The following SLC26A6 variants were observed in gnomAD, a reference collection of about 807,000 sequenced individuals.
SLC26A6 encodes solute carrier family 26 member 6, also known as anion exchange transporter.
In SLC26A6, 67 loss-of-function variants were observed where a neutral mutation model predicts 87.1. The observed-to-expected ratio is 0.77, with a 90% CI of 0.63 to 0.94. The LOEUF is 0.94. Among genes scored for constraint, SLC26A6 ranks in the 40% least tolerant of loss-of-function variants. The pLI, the probability that SLC26A6 is intolerant of heterozygous loss-of-function variation, is 0.00. For missense variants in SLC26A6, 902 were observed against 973.0 expected (o/e 0.93, Z 0.97); for synonymous variants, 414 against 405.9 (o/e 1.02, Z -0.24).
chr3:48,634,837 C>T (rs1342627421), intron 1 of SLC26A6: 3 of 800,492 alleles, frequency 3.7e-6, no homozygotes, highest in East Asian at 1.3e-4. Context: ...ATCGTAGAGC[C>T]CCCTCTCCTT....
rs2046876631 is a variant in SLC26A6, at chr3:48,633,653, G to A, written c.24-18C>T. 2 of 1,612,172 alleles carry A rather than the reference G, an allele frequency of 1.2e-6. No individual in the cohort carries two copies. The highest frequency in any genetic ancestry group is 1.1e-5 in the South Asian group (1 of 91,004). On this transcript the variant is annotated intron_variant, in intron 1 of 20. Transcript: ENST00000395550. ...CCCTCGGTCTGGGGTGGCAAGACCAGAGAGACACAGTGAAGGCATCCCTGG... is the reference window on the plus strand; with the variant it reads ...CCCTCGGTCTGGGGTGGCAAGACCAAAGAGACACAGTGAAGGCATCCCTGG...
rs765761142 is a variant in SLC26A6, at chr3:48,628,677, G to A, written c.1637C>T (p.Ser546Leu). ...AGCATTGGCAAAGTACACGGTGGCC[G>A]AGGAGCGGAAGACCTTCACCCCCCG... Reference protein sequence around the residue: ...EVRGVKVFRSSATVYFANAEF... With the variant: ...EVRGVKVFRSLATVYFANAEF... Residue 546 changes from serine to leucine, a missense_variant, in exon 15 of 21, where the codon TCG (serine) becomes TTG (leucine). Coordinates refer to ENST00000395550, the MANE Select transcript of SLC26A6 (RefSeq NM_022911.3). The surrounding 1 kb of genome is among the most constrained non-coding windows in gnomAD (Gnocchi z 4.4). 8 of 1,613,410 alleles carry A rather than the reference G, an allele frequency of 5.0e-6. No individual in the cohort carries two copies. The East Asian group carries it at 6.7e-5, about 13-fold the overall frequency.
At chr3:48,631,626 C>T (rs758327945) in intron 7 of SLC26A6, 23 bp downstream of exon 7, 2 of 1,608,772 alleles carry the variant, frequency 1.2e-6, no homozygotes, top group South Asian at 2.2e-5. Flanking sequence ...TCTCCCCTGC[C>T]CTCCACTCCC....
chr3:48,627,125 C>T lies in SLC26A6; in HGVS notation c.1894-70G>A, dbSNP rs1019273031. Reference sequence around the variant, plus strand: ...AGGCAGGACTGGCCGCACACAGACACGCGAGAACACGCAAGGTCAGATGGG... The same window carrying T: ...AGGCAGGACTGGCCGCACACAGACATGCGAGAACACGCAAGGTCAGATGGG... On this transcript the variant is annotated intron_variant, in intron 17 of 20. Coordinates refer to ENST00000395550, the MANE Select transcript of SLC26A6 (RefSeq NM_022911.3). 2.0e-5 allele frequency: 31 copies of T among 1,543,548 alleles called. No individual in the cohort carries two copies. The East Asian group carries it at 2.7e-4, about 13-fold the overall frequency.
At position 48,631,144 on chromosome 3, in the gene SLC26A6, T is replaced by G. The variant is rs1379602802; in HGVS notation, c.987-4A>C. 6.2e-7 allele frequency: 1 copy of G among 1,613,714 alleles called. No individual in the cohort carries two copies. The highest frequency in any genetic ancestry group is 8.5e-7 in the Non-Finnish European group (1 of 1,180,000). Reference sequence around the variant, plus strand: ...GGGGGCCACTGGGGGCACCAGCCTGTGAGAGGTATCTGTGAGGCCAAAGCA... The same window carrying G: ...GGGGGCCACTGGGGGCACCAGCCTGGGAGAGGTATCTGTGAGGCCAAAGCA... On this transcript the variant is annotated splice_polypyrimidine_tract_variant and splice_region_variant and intron_variant, in intron 8 of 20. Transcript: ENST00000395550.
At chr3:48,633,417 G>T in intron 2 of SLC26A6, 27 bp from the exon 3 acceptor site, 1 of 1,612,878 alleles carries the variant, frequency 6.2e-7, no homozygotes, top group Non-Finnish European at 8.5e-7. Context: ...AGGGGTAGGT[G>T]TCAGGAACAG....
intron 17 of SLC26A6, 30 bp downstream of exon 17, chr3:48,627,916 T>G: frequency 6.4e-7 from 1 of 1,570,726 alleles, no homozygotes; most frequent in Non-Finnish European, 8.6e-7. Flanking sequence ...AGCTCACAGC[T>G]GTCACCTCCT....
At position 48,628,801 on chromosome 3, in the gene SLC26A6, C is replaced by T. The variant is rs2106651834; in HGVS notation, c.1600-87G>A. On this transcript the variant is annotated intron_variant, in intron 14 of 20. Coordinates refer to ENST00000395550, the MANE Select transcript of SLC26A6 (RefSeq NM_022911.3). The surrounding 1 kb of genome is among the most constrained non-coding windows in gnomAD (Gnocchi z 4.4). ...CCTGCCTTTCCTTCCCTAGTGTGCC[C>T]AGTGCCTGCCACCGCCCAGCCCTCT... 3 of 1,462,206 alleles carry T rather than the reference C, an allele frequency of 2.1e-6. No homozygotes were observed. Among genetic ancestry groups the T allele is most frequent in the Non-Finnish European group, 2.8e-6 (3 of 1,067,094 alleles). The allele number at this position is 1,462,206 out of a possible 1,614,324, so 90.6% of individuals were successfully genotyped here. A position where few individuals can be genotyped will look rare whatever the true frequency, so the allele number is the denominator to read the frequency against.
At chr3:48,631,536 G>T in intron 7 of SLC26A6, 113 bp downstream of exon 7, 3 of 1,402,602 alleles carry the variant, frequency 2.1e-6, no homozygotes, top group East Asian at 4.9e-5. Flanking sequence ...CAATACCCAA[G>T]AACCCTCCCA....
intron 1 of SLC26A6, chr3:48,633,916 G>C: frequency 7.7e-7 from 1 of 1,301,032 alleles, no homozygotes; most frequent in South Asian, 1.6e-5. Context: ...AGATGTGGCA[G>C]CCCAGTGCTG....
At chr3:48,626,854 C>A in intron 18 of SLC26A6, 22 bp downstream of exon 18, 1 of 1,609,608 alleles carries the variant, frequency 6.2e-7, no homozygotes, top group Non-Finnish European at 8.5e-7. Flanking sequence ...CTCGAGGGGC[C>A]TTGGCCTGCC....
chr3:48,630,018 C>G, intron 12 of SLC26A6, 40 bp from the exon 13 acceptor site: 3 of 1,613,898 alleles, frequency 1.9e-6, no homozygotes, highest in Non-Finnish European at 2.5e-6. Flanking sequence ...GGCGAGGAGC[C>G]ATGGGGCTGC....
At position 48,626,970 on chromosome 3, in the gene SLC26A6, G is replaced by A. The variant is rs917806837; in HGVS notation, c.1979C>T (p.Ala660Val). 2 of 1,614,090 alleles carry A rather than the reference G, an allele frequency of 1.2e-6. No homozygotes were observed. Among genetic ancestry groups the A allele is most frequent in the Admixed American group, 1.7e-5 (1 of 60,000 alleles). Residue 660 changes from alanine to valine, a missense_variant, in exon 18 of 21, where the codon GCC (alanine) becomes GTC (valine). This residue lies in a region of SLC26A6 where 800 missense variants were observed against 856.8 expected (regional missense o/e 0.93). Coordinates refer to ENST00000395550, the MANE Select transcript of SLC26A6 (RefSeq NM_022911.3). ...SKAPDGSTLK[A>V]LGLPQPDFHS... The stretch of plus-strand genomic sequence containing the variant: ...GAAGTCTGGCTGAGGCAGGCCCAGG[G>A]CCTTCAGTGTGGACCCATCTGGGGC...
Position 48,628,795 on chromosome 3 carries a change from T to C in SLC26A6, c.1600-81A>G. 10 of 1,499,472 alleles carry C rather than the reference T, an allele frequency of 6.7e-6. No individual in the cohort carries two copies. The highest frequency in any genetic ancestry group is 9.1e-6 in the Non-Finnish European group (10 of 1,098,560). 92.9% of individuals were successfully genotyped at this position (1,499,472 alleles called of 1,614,324 possible). ...TGTTCTCCTGCCTTTCCTTCCCTAGTGTGCCCAGTGCCTGCCACCGCCCAG... is the reference window on the plus strand; with the variant it reads ...TGTTCTCCTGCCTTTCCTTCCCTAGCGTGCCCAGTGCCTGCCACCGCCCAG... On this transcript the variant is annotated intron_variant, in intron 14 of 20. Coordinates refer to ENST00000395550, the MANE Select transcript of SLC26A6 (RefSeq NM_022911.3). The surrounding 1 kb of genome is among the most constrained non-coding windows in gnomAD (Gnocchi z 4.4).
At position 48,628,431 on chromosome 3, in the gene SLC26A6, T is replaced by A; in HGVS notation, c.1800+3A>T. On this transcript the variant is annotated splice_donor_region_variant and intron_variant, in intron 16 of 20. Coordinates refer to ENST00000395550, the MANE Select transcript of SLC26A6 (RefSeq NM_022911.3). The surrounding 1 kb of genome is among the most constrained non-coding windows in gnomAD (Gnocchi z 4.4). ...GGGGGTCACCAGACAAAAGGGGCCC[T>A]GCCTGTTTCCGAAGCTTCTCCTCTT... 1 of 1,613,868 alleles carries A rather than the reference T, an allele frequency of 6.2e-7. No homozygotes were observed. Among genetic ancestry groups the A allele is most frequent in the Non-Finnish European group, 8.5e-7 (1 of 1,179,956 alleles).
chr3:48,634,996 G>A (rs1483107859), intron 1 of SLC26A6, among the ~76,000 whole-genome samples: 2 of 152,256 alleles, frequency 1.3e-5, no homozygotes, highest in Non-Finnish European at 2.9e-5. Context: ...TCCGGGATCA[G>A]TGGAGCTGGG....
In SLC26A6 at chr3:48,632,003, G is replaced by A. The variant is rs750050647; in HGVS notation, c.627C>T (p.Tyr209=). The A allele has an allele frequency of 1.9e-6, 3 of 1,613,404 alleles. No homozygotes were observed. In the African/African-American group the frequency reaches 4.0e-5, roughly 22 times the overall value. The change falls in exon 6 of 21, where the codon TAC becomes TAT. Residue 209 remains tyrosine (Y), a synonymous_variant. Coordinates refer to ENST00000395550, the MANE Select transcript of SLC26A6 (RefSeq NM_022911.3). Reference sequence around the variant, plus strand: ...AGCCTCGGACAAGAGGTTCTGACAGGTAGGTGACCACGAAGCCGAAGTGGA... The same window carrying A: ...AGCCTCGGACAAGAGGTTCTGACAGATAGGTGACCACGAAGCCGAAGTGGA... ...GLIHFGFVVT[Y]LSEPLVRGYT...
chr3:48,632,274 T>C lies in SLC26A6; in HGVS notation c.556A>G (p.Thr186Ala), dbSNP rs777511524. ...AAGAGGCCAACCAGGACACTGAGTG[T>C]GGAGGCCACCTGTACCCGGGCAGCA... ...RDAARVQVAS[T>A]LSVLVGLFQV... Residue 186 changes from threonine to alanine, a missense_variant, in exon 5 of 21, where the codon ACA becomes GCA. Coordinates refer to ENST00000395550, the MANE Select transcript of SLC26A6 (RefSeq NM_022911.3). The C allele has an allele frequency of 1.2e-6, 2 of 1,610,932 alleles. No homozygotes were observed. The highest frequency in any genetic ancestry group is 3.3e-5 in the Admixed American group (2 of 59,734).
chr3:48,631,143 G>T lies in SLC26A6; in HGVS notation c.987-3C>A, dbSNP rs1158800196. The T allele has an allele frequency of 6.2e-7, 1 of 1,613,748 alleles. No individual in the cohort carries two copies. Among genetic ancestry groups the T allele is most frequent in the Non-Finnish European group, 8.5e-7 (1 of 1,180,004 alleles). Reference sequence around the variant, plus strand: ...TGGGGGCCACTGGGGGCACCAGCCTGTGAGAGGTATCTGTGAGGCCAAAGC... The same window carrying T: ...TGGGGGCCACTGGGGGCACCAGCCTTTGAGAGGTATCTGTGAGGCCAAAGC... On this transcript the variant is annotated splice_polypyrimidine_tract_variant and splice_region_variant and intron_variant, in intron 8 of 20. Transcript: ENST00000395550.
Sources: gnomAD v4.1 joint callset for allele counts (sites outside exome capture counted in the v4.1 genomes callset) on GRCh38, gnomAD v4.1.1 for gene constraint, gnomAD v4.1.1 regional missense constraint, Gnocchi (gnomAD v3.1) non-coding constraint, MANE v1.5 for transcripts, NCBI Gene and HGNC (gene_info 2026-07-23, HGNC 2026-07-21) for gene names.